Variants in TENM2 observed in about 807,000 individuals in gnomAD.
TENM2 encodes the protein teneurin transmembrane protein 2.
A neutral mutation model predicts 245.2 loss-of-function variants in TENM2; 52 were observed. The ratio of observed to expected loss-of-function variants is 0.21; its 90% CI spans 0.17 to 0.27. The LOEUF is 0.27. Ranked by LOEUF, TENM2 falls within the 10% of genes least tolerant of loss-of-function variation. The probability of loss-of-function intolerance (pLI) is 1.00; values close to 1 mark genes in which losing one functional copy is unlikely to be tolerated. For missense variants in TENM2, 3,046 were observed against 3,666.8 expected, an observed-to-expected ratio of 0.83 and a Z score of 4.37; for synonymous variants, 1,363 against 1,438.9, an observed-to-expected ratio of 0.95 and a Z score of 1.19.
chr5:167,608,082 GA>G (rs1457555088), intron 2 of TENM2, among the ~76,000 whole-genome samples: 1 of 152,126 alleles, frequency 6.6e-6, no homozygotes, highest in Non-Finnish European at 1.5e-5. Context: ...TTGGTGCCCA[GA>G]AGGTCATGCT....
intron 2 of TENM2, among the ~76,000 whole-genome samples, chr5:167,562,606 G>A (rs943877579): frequency 6.6e-6 from 1 of 152,132 alleles, no homozygotes; most frequent in Non-Finnish European, 1.5e-5. Context: ...CCTGAGAAGA[G>A]CTCAGAATGT....
chr5:167,199,436 C>A, the TENM2 span, among the ~76,000 whole-genome samples: 1 of 152,094 alleles, frequency 6.6e-6, no homozygotes. Context: ...TTACCAGGAT[C>A]CACTGAGTCT....
intron 5 of TENM2, among the ~76,000 whole-genome samples, chr5:168,044,242 C>G (rs561458050): frequency 1.3e-5 from 2 of 152,068 alleles, no homozygotes; most frequent in Admixed American, 1.3e-4. Flanking sequence ...GGTGAAACCC[C>G]GTCTCTACTA....
intron 1 of TENM2, among the ~76,000 whole-genome samples, chr5:167,303,649 A>G (rs1309465775): frequency 6.6e-6 from 1 of 152,194 alleles, no homozygotes; most frequent in Non-Finnish European, 1.5e-5. Flanking sequence ...AGGGGATATG[A>G]TGGCTTAGCT....
chr5:167,482,630 A>C (rs923054718), intron 2 of TENM2, among the ~76,000 whole-genome samples: 4 of 152,202 alleles, frequency 2.6e-5, no homozygotes, highest in Admixed American at 1.3e-4. Flanking sequence ...TTGCTTGATA[A>C]AACAGAGGTT....
Position 168,247,924 on chromosome 5 carries a change from C to T in TENM2, c.6985C>T (p.Pro2329Ser). Residue 2329 changes from proline to serine, a missense_variant, in exon 27 of 29, where the codon CCG (proline) becomes TCG (serine). By Grantham distance (74) the Pro-to-Ser change is moderately conservative. Around this residue, in one of 2 missense-constraint regions of TENM2, gnomAD observed 2,704 missense variants for 3,331.9 expected, o/e 0.81. Coordinates refer to ENST00000518659, the Ensembl canonical transcript of TENM2. This position sits in a 1 kb window ranked among gnomAD's most constrained non-coding sequence, Gnocchi z 7.8. ...GTACTTCTACTCTGACCTCCACAAC[C>T]CGACGCGCATCACCCATGTCTACAA... 1 of 1,613,948 alleles carries T rather than the reference C, an allele frequency of 6.2e-7. No individual in the cohort carries two copies. The highest frequency in any genetic ancestry group is 8.5e-7 in the Non-Finnish European group (1 of 1,179,882).
At chr5:167,174,434 C>T in the TENM2 span, among the ~76,000 whole-genome samples, 1 of 152,048 alleles carries the variant, frequency 6.6e-6, no homozygotes, top group African/African-American at 2.4e-5. Context: ...ATAGTATTAG[C>T]CCATTAAATA....
At chr5:167,409,468 T>C (rs569548070) in intron 2 of TENM2, among the ~76,000 whole-genome samples, 3 of 152,022 alleles carry the variant, frequency 2.0e-5, no homozygotes, top group Non-Finnish European at 4.4e-5. Context: ...TACTCATTCA[T>C]CTATTGTTAA....
At chr5:167,835,850 A>C (rs1168773993) in intron 2 of TENM2, among the ~76,000 whole-genome samples, 2 of 151,860 alleles carry the variant, frequency 1.3e-5, no homozygotes, top group South Asian at 4.2e-4. Flanking sequence ...TCACCCCAAC[A>C]CCCCTCCCCT....
At chr5:167,956,159 T>C (rs1238479022) in intron 4 of TENM2, among the ~76,000 whole-genome samples, 1 of 152,224 alleles carries the variant, frequency 6.6e-6, no homozygotes, top group Non-Finnish European at 1.5e-5. Context: ...CAGTGGTTTG[T>C]AGTCCTCCTT....
intron 18 of TENM2, 77 bp downstream of exon 20, chr5:168,203,909 G>A: frequency 2.2e-6 from 3 of 1,358,388 alleles, no homozygotes; most frequent in Non-Finnish European, 2.0e-6. Flanking sequence ...CAGCATTTAA[G>A]TGATCACACC....
chr5:168,182,773 C>A (rs1249731959), intron 13 of TENM2, among the ~76,000 whole-genome samples: 1 of 151,520 alleles, frequency 6.6e-6, no homozygotes, highest in Non-Finnish European at 1.5e-5. Flanking sequence ...CACCTCAGTC[C>A]AGACTAGGAC....
chr5:167,878,219 T>G (rs1429181665), intron 3 of TENM2, among the ~76,000 whole-genome samples: 1 of 152,192 alleles, frequency 6.6e-6, no homozygotes, highest in African/African-American at 2.4e-5. Flanking sequence ...AATCAAGACC[T>G]CATTTTGGTG....
At position 168,185,915 on chromosome 5, in the gene TENM2, CATATATATATATATATATATAT is replaced by C. The variant is rs200942772; in HGVS notation, c.2570-4393_2570-4372del. On this transcript the variant is annotated intron_variant, in intron 13 of 28. Transcript: ENST00000518659. The stretch of plus-strand genomic sequence containing the variant: ...GGACATATACTATATACCAGACTGA[CATATATATATATATATATATAT>C]ATATATATATATATATATATATATA... 1.8e-3 allele frequency among the ~76,000 whole-genome samples: 133 copies of C among 73,804 alleles called. 1 individual carries two copies. Among genetic ancestry groups the C allele is most frequent in the Admixed American group, 3.0e-3 (16 of 5,410 alleles). 48.4% of individuals were successfully genotyped at this position (73,804 alleles called of 152,430 possible).
At chr5:167,982,586 A>C (rs1241033736) in intron 4 of TENM2, among the ~76,000 whole-genome samples, 3 of 151,988 alleles carry the variant, frequency 2.0e-5, no homozygotes, top group East Asian at 3.9e-4. Context: ...CTATTTTTTT[A>C]GAGGAGGCAT....
At chr5:167,651,878 C>G (rs527249466) in intron 2 of TENM2, among the ~76,000 whole-genome samples, 12 of 152,282 alleles carry the variant, frequency 7.9e-5, no homozygotes, top group African/African-American at 2.6e-4. Context: ...ACTTCTTGAA[C>G]AAGATATACT....
chr5:168,245,071 C>A (rs765396270), intron 26 of TENM2, among the ~76,000 whole-genome samples: 4 of 152,048 alleles, frequency 2.6e-5, no homozygotes, highest in Non-Finnish European at 5.9e-5. Context: ...CTGACCATTT[C>A]TGCTGCTCTT....
intron 3 of TENM2, among the ~76,000 whole-genome samples, chr5:167,920,747 C>T (rs1395094774): frequency 1.3e-5 from 2 of 152,116 alleles, no homozygotes; most frequent in Non-Finnish European, 2.9e-5. Context: ...TGCCAGAAAA[C>T]AGGAACAGTT....
intron 27 of TENM2, among the ~76,000 whole-genome samples, chr5:168,255,902 T>C (rs1767608369): frequency 6.6e-6 from 1 of 151,944 alleles, no homozygotes; most frequent in Non-Finnish European, 1.5e-5. Flanking sequence ...ACCTCCCAGG[T>C]TCAAGCAGTT....
Sources: allele counts gnomAD v4.1 joint callset (sites outside exome capture counted in the v4.1 genomes callset), GRCh38; gene constraint gnomAD v4.1.1; regional missense constraint gnomAD v4.1.1; non-coding constraint Gnocchi (gnomAD v3.1); transcripts MANE v1.5; gene names NCBI Gene and HGNC (gene_info 2026-07-23, HGNC 2026-07-21).